Variants in CNTN4 observed in about 807,000 individuals in gnomAD.
The protein encoded by CNTN4 is contactin 4.
A neutral mutation model predicts 122.5 loss-of-function variants in CNTN4; 77 were observed. The ratio of observed to expected loss-of-function variants is 0.63; its 90% CI spans 0.52 to 0.76. The LOEUF is 0.76. CNTN4 is among the 30% of genes least tolerant of loss of function. The probability of loss-of-function intolerance (pLI) is 0.00; values close to 1 mark genes in which losing one functional copy is unlikely to be tolerated. For synonymous variants in CNTN4, 512 were observed against 447.0 expected (o/e 1.15, Z -1.83); for missense variants, 1,256 against 1,259.1 (o/e 1.00, Z 0.04).
chr3:2,332,959 G>A (rs1318738707), intron 2 of CNTN4, among the ~76,000 whole-genome samples: 1 of 152,016 alleles, frequency 6.6e-6, no homozygotes, highest in Non-Finnish European at 1.5e-5. Flanking sequence ...TTTTTCTCCT[G>A]ATCTCCAAAT....
At chr3:2,332,340 C>G (rs1161682634) in intron 2 of CNTN4, among the ~76,000 whole-genome samples, 2 of 152,070 alleles carry the variant, frequency 1.3e-5, no homozygotes, top group African/African-American at 4.8e-5. Context: ...AGTAATCTCT[C>G]CAAATAAGTA....
intron 13 of CNTN4, among the ~76,000 whole-genome samples, chr3:2,956,479 A>AT (rs1559716501): frequency 1.8e-4 from 27 of 151,894 alleles, no homozygotes; most frequent in African/African-American, 6.3e-4. Flanking sequence ...AAAAGATATA[A>AT]AAAATGGAAA....
At chr3:3,006,209 A>T (rs1423000838) in intron 14 of CNTN4, among the ~76,000 whole-genome samples, 2 of 151,810 alleles carry the variant, frequency 1.3e-5, no homozygotes, top group African/African-American at 4.8e-5. Context: ...TACTTTTGTT[A>T]TCTAAACGTA....
At chr3:2,822,801 G>A (rs1208142247) in intron 7 of CNTN4, among the ~76,000 whole-genome samples, 1 of 152,126 alleles carries the variant, frequency 6.6e-6, no homozygotes, top group Non-Finnish European at 1.5e-5. Flanking sequence ...CTACTGAAAT[G>A]CAGTTGTCTC....
chr3:2,891,880 G>T (rs1009243273), intron 10 of CNTN4, among the ~76,000 whole-genome samples: 2 of 152,194 alleles, frequency 1.3e-5, no homozygotes, highest in Non-Finnish European at 2.9e-5. Context: ...AGGTTGTTTT[G>T]TGGTGAATGG....
intron 2 of CNTN4, among the ~76,000 whole-genome samples, chr3:2,186,630 G>C (rs1251876786): frequency 2.0e-5 from 3 of 152,176 alleles, no homozygotes; most frequent in Non-Finnish European, 4.4e-5. Flanking sequence ...ATTCTAACTG[G>C]TGTGAGATGG....
At chr3:2,363,245 T>C (rs1309369980) in intron 3 of CNTN4, among the ~76,000 whole-genome samples, 1 of 152,202 alleles carries the variant, frequency 6.6e-6, no homozygotes, top group Non-Finnish European at 1.5e-5. Context: ...ATGTCTCCTA[T>C]GTAATGGGAG....
chr3:2,229,908 G>T (rs2039421494), intron 2 of CNTN4, among the ~76,000 whole-genome samples: 1 of 152,150 alleles, frequency 6.6e-6, no homozygotes, highest in Non-Finnish European at 1.5e-5. Flanking sequence ...ATGCTGTGTT[G>T]TGTAGCGTAC....
chr3:2,247,003 G>T (rs1022030628), intron 2 of CNTN4, among the ~76,000 whole-genome samples: 1 of 152,002 alleles, frequency 6.6e-6, no homozygotes, highest in Admixed American at 6.6e-5. Context: ...AACTGGAGGA[G>T]GTTGGTTAAG....
At chr3:2,309,663 C>T (rs1279403869) in intron 2 of CNTN4, among the ~76,000 whole-genome samples, 2 of 152,142 alleles carry the variant, frequency 1.3e-5, no homozygotes, top group East Asian at 3.9e-4. Flanking sequence ...GATGCTTGGT[C>T]TTTTAATATA....
rs951194430 is a variant in CNTN4 at position 2,755,522 on chromosome 3, G to C, written c.358+9825G>C. Among the ~76,000 whole-genome samples, 3 of 152,290 alleles carry C rather than the reference G, an allele frequency of 2.0e-5. No individual in the cohort carries two copies. In the South Asian group the frequency reaches 6.2e-4, roughly 32 times the overall value. On this transcript the variant is annotated intron_variant, in intron 6 of 24. Transcript: ENST00000418658. ...AAATAATGATAGTTTCTGCCACTGA[G>C]TATAGTACTAGACAGAAAGACATTA...
chr3:2,227,315 T>C (rs2039323944), intron 2 of CNTN4, among the ~76,000 whole-genome samples: 1 of 152,150 alleles, frequency 6.6e-6, no homozygotes, highest in Admixed American at 6.5e-5. Flanking sequence ...GCTAGGTAAA[T>C]AGTTCCAAAC....
At chr3:2,857,023 A>G (rs1268166226) in intron 7 of CNTN4, among the ~76,000 whole-genome samples, 3 of 152,190 alleles carry the variant, frequency 2.0e-5, no homozygotes, top group Non-Finnish European at 4.4e-5. Context: ...GGCCAGTGAC[A>G]GATGACGGTG....
At chr3:2,423,145 T>C (rs184103402) in intron 3 of CNTN4, among the ~76,000 whole-genome samples, 12 of 152,340 alleles carry the variant, frequency 7.9e-5, no homozygotes, top group Non-Finnish European at 1.5e-5. Context: ...CTCCTAGAAG[T>C]GGTGTTCCTA....
intron 7 of CNTN4, among the ~76,000 whole-genome samples, chr3:2,820,914 A>ATAATGT: frequency 6.9e-6 from 1 of 144,194 alleles, no homozygotes; most frequent in Middle Eastern, 3.5e-3. Context: ...AACCCAGCTC[A>ATAATGT]TAATGTTCTT....
intron 12 of CNTN4, among the ~76,000 whole-genome samples, chr3:2,904,245 T>C (rs1178407935): frequency 3.9e-5 from 6 of 152,220 alleles, no homozygotes; most frequent in Admixed American, 6.5e-5. Context: ...ACAAAGGAGC[T>C]AATTCACGTG....
chr3:2,515,563 G>A (rs1307444488), intron 3 of CNTN4, among the ~76,000 whole-genome samples: 7 of 152,014 alleles, frequency 4.6e-5, no homozygotes, highest in Non-Finnish European at 8.8e-5. Flanking sequence ...AAGCAACTTT[G>A]TGAAACATGA....
At chr3:2,210,650 G>A (rs1479455525) in intron 2 of CNTN4, among the ~76,000 whole-genome samples, 1 of 152,080 alleles carries the variant, frequency 6.6e-6, no homozygotes, top group Non-Finnish European at 1.5e-5. Flanking sequence ...CCTTTCCTGG[G>A]ATTTACAGTC....
At chr3:2,920,084 C>T (rs1250845575) in intron 12 of CNTN4, among the ~76,000 whole-genome samples, 1 of 151,834 alleles carries the variant, frequency 6.6e-6, no homozygotes, top group Non-Finnish European at 1.5e-5. Flanking sequence ...TTTCATAGAG[C>T]CCGAAGTGCC....
Sources: gnomAD v4.1 joint callset for allele counts (sites outside exome capture counted in the v4.1 genomes callset) on GRCh38, gnomAD v4.1.1 for gene constraint, MANE v1.5 for transcripts, NCBI Gene and HGNC (gene_info 2026-07-23, HGNC 2026-07-21) for gene names.